UQCC1: variants seen among roughly 807,000 people sequenced by gnomAD.
The protein encoded by UQCC1 is bFGF-repressed Zic-binding protein.
UQCC1 carries 38 observed loss-of-function variants against 48.0 expected under a neutral mutation model. That is an observed-to-expected ratio of 0.79 (90% CI 0.61 to 1.04). UQCC1 has a LOEUF of 1.04. UQCC1 is among the 50% of genes least tolerant of loss of function. The pLI is 0.00. For synonymous variants in UQCC1, 111 were observed against 129.2 expected, an observed-to-expected ratio of 0.86 and a Z score of 0.95; for missense variants, 368 against 381.8, an observed-to-expected ratio of 0.96 and a Z score of 0.30.
Position 35,314,735 on chromosome 20 carries a change from T to A in UQCC1, c.604A>T (p.Ile202Phe), listed in dbSNP as rs1459040057. The change falls in exon 8 of 10, where the codon ATC becomes TTC. Residue 202 changes from isoleucine to phenylalanine, a missense_variant. Coordinates refer to ENST00000374385, the MANE Select transcript of UQCC1 (RefSeq NM_018244.5). ...GCATAGAAATGATTTGTCATGAGGA[T>A]CATGTTCTTCTTCAGGATATAGGGA... is the stretch of plus-strand genomic sequence containing the variant. ...VNPYILKKNMILMTNHFYAAI... is the reference protein window; with the variant it reads ...VNPYILKKNMFLMTNHFYAAI... 6.2e-7 allele frequency: 1 copy of A among 1,608,578 alleles called. No individual in the cohort carries two copies.
rs775212773 is a variant in UQCC1, at chr20:35,314,775, C to A, written c.574-10G>T. 1.9e-5 allele frequency: 30 copies of A among 1,575,250 alleles called. No individual in the cohort carries two copies. Among genetic ancestry groups the A allele is most frequent in the Non-Finnish European group, 2.5e-5 (29 of 1,152,344 alleles). ...GGATATAGGGATTAACCTACAGAAACAAATGGCAAAAACAAAAGTTTGAAA... is the reference window on the plus strand; with the variant it reads ...GGATATAGGGATTAACCTACAGAAAAAAATGGCAAAAACAAAAGTTTGAAA... On this transcript the variant is annotated splice_polypyrimidine_tract_variant and intron_variant, in intron 7 of 9. Transcript: ENST00000374385.
intron 2 of UQCC1, among the ~76,000 whole-genome samples, chr20:35,387,023 T>C (rs1055592828): frequency 2.0e-5 from 3 of 152,010 alleles, no homozygotes; most frequent in Non-Finnish European, 4.4e-5. Flanking sequence ...ACGCCTGTAA[T>C]CCCAACACTT....
At chr20:35,365,480 C>G (rs984854332) in intron 6 of UQCC1, among the ~76,000 whole-genome samples, 3 of 151,830 alleles carry the variant, frequency 2.0e-5, no homozygotes, top group Admixed American at 1.3e-4. Flanking sequence ...GATGGTGAAA[C>G]CCTGTCTCTA....
At chr20:35,391,754 A>G (rs1251972169) in intron 2 of UQCC1, among the ~76,000 whole-genome samples, 1 of 152,186 alleles carries the variant, frequency 6.6e-6, no homozygotes, top group Non-Finnish European at 1.5e-5. Context: ...AATTGGAACA[A>G]ATAGACTAAT....
At chr20:35,357,642 A>G (rs1482341291) in intron 6 of UQCC1, among the ~76,000 whole-genome samples, 3 of 147,404 alleles carry the variant, frequency 2.0e-5, no homozygotes, top group Non-Finnish European at 4.5e-5. Flanking sequence ...ATTGTACTCC[A>G]GCCTGGGAGA....
At chr20:35,332,753 C>G (rs555494310) in intron 7 of UQCC1, among the ~76,000 whole-genome samples, 1 of 152,212 alleles carries the variant, frequency 6.6e-6, no homozygotes, top group Non-Finnish European at 1.5e-5. Flanking sequence ...TTTAAGCCCA[C>G]AGGACATAAG....
At position 35,339,871 on chromosome 20, in the gene UQCC1, ATTTG is replaced by A. The variant is rs541810926; in HGVS notation, c.573+7289_573+7292del. Among the ~76,000 whole-genome samples, 1,311 of 151,116 alleles carry A rather than the reference ATTTG, an allele frequency of 8.7e-3. 23 individuals carry two copies. Among genetic ancestry groups the A allele is most frequent in the African/African-American group, 0.03 (1,233 of 41,186 alleles). On this transcript the variant is annotated intron_variant, in intron 7 of 9. Transcript: ENST00000374385. ...TAGATGCACAATTTTTTTTTGCAACATTTGTTTATCTCTATCCATACATCTACAC... is the reference window on the plus strand; with the variant it reads ...TAGATGCACAATTTTTTTTTGCAACATTTATCTCTATCCATACATCTACAC...
In UQCC1 at chr20:35,306,750, G is replaced by A. The variant is rs369706798; in HGVS notation, c.681C>T (p.Ala227=). 23 of 1,613,888 alleles carry A rather than the reference G, an allele frequency of 1.4e-5. No homozygotes were observed. The highest frequency in any genetic ancestry group is 1.7e-5 in the Non-Finnish European group (20 of 1,180,020). Residue 227 remains alanine, a synonymous_variant, in exon 9 of 10, where the codon GCC becomes GCT. Transcript: ENST00000374385. ...TGAAGAAGGTTCTCCAGAGGGCAGC[G>A]GCCAGCCCATGATCATCTGAAAGGA... is the stretch of plus-strand genomic sequence containing the variant. ...EGILSDDHGL[A]AALWRTFFNR...
At chr20:35,325,467 T>C (rs1369666114) in intron 7 of UQCC1, among the ~76,000 whole-genome samples, 1 of 152,240 alleles carries the variant, frequency 6.6e-6, no homozygotes, top group Non-Finnish European at 1.5e-5. Flanking sequence ...CACTTATCCA[T>C]TTGGCACAGT....
At chr20:35,371,626 C>T (rs766450808) in intron 5 of UQCC1, among the ~76,000 whole-genome samples, 3 of 150,844 alleles carry the variant, frequency 2.0e-5, no homozygotes, top group Non-Finnish European at 4.4e-5. Flanking sequence ...GCCACCGCGC[C>T]CAGCCTGAGG....
intron 9 of UQCC1, among the ~76,000 whole-genome samples, chr20:35,306,124 G>C (rs2060925872): frequency 6.6e-6 from 1 of 152,192 alleles, no homozygotes; most frequent in South Asian, 2.1e-4. Flanking sequence ...TCTCGTAGAA[G>C]CTTTGATGTC....
intron 7 of UQCC1, among the ~76,000 whole-genome samples, chr20:35,331,476 A>G (rs1388349441): frequency 6.6e-6 from 1 of 152,006 alleles, no homozygotes; most frequent in Non-Finnish European, 1.5e-5. Context: ...TAATTTATTC[A>G]CTGGGAACCA....
intron 7 of UQCC1, among the ~76,000 whole-genome samples, chr20:35,325,387 A>C (rs1481570511): frequency 6.6e-6 from 1 of 152,256 alleles, no homozygotes; most frequent in Non-Finnish European, 1.5e-5. Context: ...TCCCAGTTAC[A>C]AACAGTTCTT....
At chr20:35,402,613 A>C (rs191727541) in intron 1 of UQCC1, among the ~76,000 whole-genome samples, 1 of 113,188 alleles carries the variant, frequency 8.8e-6, no homozygotes, top group Non-Finnish European at 1.8e-5. Flanking sequence ...ACAAACAAAC[A>C]AAATATATAT....
intron 1 of UQCC1, among the ~76,000 whole-genome samples, chr20:35,407,185 T>C (rs1260314577): frequency 6.6e-6 from 1 of 152,176 alleles, no homozygotes; most frequent in East Asian, 1.9e-4. Context: ...CCCAGCACTC[T>C]GGGAGGCTGA....
At chr20:35,342,791 A>C (rs1328424776) in intron 7 of UQCC1, among the ~76,000 whole-genome samples, 2 of 152,234 alleles carry the variant, frequency 1.3e-5, no homozygotes, top group African/African-American at 4.8e-5. Flanking sequence ...TTTAAATCCC[A>C]AATAATGTTT....
chr20:35,402,293 T>C lies in UQCC1; in HGVS notation c.25-8097A>G, dbSNP rs192187592. Among the ~76,000 whole-genome samples the C allele has an allele frequency of 6.9e-3, 1,041 of 151,962 alleles. 3 individuals are homozygous for C. The highest frequency in any genetic ancestry group is 0.011 in the Non-Finnish European group (735 of 67,956). ...CCCGTCTGTACTAAAAAATACATAATATAGGCCGGGCGCGGTGGCTTACGC... is the reference window on the plus strand; with the variant it reads ...CCCGTCTGTACTAAAAAATACATAACATAGGCCGGGCGCGGTGGCTTACGC... On this transcript the variant is annotated intron_variant, in intron 1 of 9. Transcript: ENST00000374385.
At chr20:35,399,832 T>C (rs982487028) in intron 1 of UQCC1, among the ~76,000 whole-genome samples, 3 of 133,224 alleles carry the variant, frequency 2.3e-5, no homozygotes, top group Non-Finnish European at 4.7e-5. Context: ...CACTCCAGCC[T>C]GCGTGACAGA....
intron 7 of UQCC1, chr20:35,315,291 C>T (rs1156895263): frequency 6.5e-6 from 1 of 154,342 alleles, no homozygotes; most frequent in African/African-American, 2.4e-5. Flanking sequence ...GCATTCTAGA[C>T]AGAGCAAGGT....
Sources: gnomAD v4.1 joint callset for allele counts (sites outside exome capture counted in the v4.1 genomes callset) on GRCh38, gnomAD v4.1.1 for gene constraint, MANE v1.5 for transcripts, NCBI Gene and HGNC (gene_info 2026-07-23, HGNC 2026-07-21) for gene names.